HSH2D: variants seen among roughly 807,000 people sequenced by gnomAD.
HSH2D encodes hematopoietic SH2 domain containing, also known as hematopoietic SH2 domain-containing protein.
Under a neutral mutation model 21.5 loss-of-function variants are expected in HSH2D, and 16 were observed. That is an observed-to-expected ratio of 0.74 (90% CI 0.50 to 1.13). HSH2D has a LOEUF of 1.13. Among genes scored for constraint, HSH2D ranks in the 50% most tolerant of loss-of-function variants. The probability of loss-of-function intolerance (pLI) is 0.00; values close to 1 mark genes in which losing one functional copy is unlikely to be tolerated. For missense variants in HSH2D, 418 were observed against 441.4 expected (o/e 0.95, Z 0.47); for synonymous variants, 172 against 184.7 (o/e 0.93, Z 0.56).
chr19:16,151,504 A>G (rs1348645115), intron 2 of HSH2D: 1 of 455,754 alleles, frequency 2.2e-6, no homozygotes, highest in Non-Finnish European at 4.4e-6. Flanking sequence ...AGAAAGGGAG[A>G]GACGATTGCC....
chr19:16,143,654 G>A, upstream of HSH2D: 1 of 408,282 alleles, frequency 2.4e-6, no homozygotes, highest in Non-Finnish European at 5.0e-6. Flanking sequence ...TGAGGAAACA[G>A]GAACTGCCTC....
upstream of HSH2D, among the ~76,000 whole-genome samples, chr19:16,140,788 G>C (rs1272385022): frequency 6.6e-6 from 1 of 151,992 alleles, no homozygotes; most frequent in African/African-American, 2.4e-5. Context: ...TCAGGAGGCT[G>C]AGATGGGAGG....
intron 1 of HSH2D, among the ~76,000 whole-genome samples, chr19:16,144,365 G>T (rs1038259452): frequency 6.6e-6 from 1 of 151,902 alleles, no homozygotes; most frequent in Non-Finnish European, 1.5e-5. Flanking sequence ...TGTCTGGGGG[G>T]AGATGCAGGA....
At chr19:16,134,686 C>G (rs2090948603) in intron 1 of HSH2D, among the ~76,000 whole-genome samples, 1 of 152,170 alleles carries the variant, frequency 6.6e-6, no homozygotes, top group Admixed American at 6.5e-5. Flanking sequence ...GTGCCCACAG[C>G]TGACCCCTCC....
intron 2 of HSH2D, among the ~76,000 whole-genome samples, chr19:16,151,736 C>G (rs2091153677): frequency 6.8e-6 from 1 of 146,584 alleles, no homozygotes; most frequent in African/African-American, 2.6e-5. Flanking sequence ...CATCCCTAAT[C>G]CCTGAATAGC....
intron 1 of HSH2D, among the ~76,000 whole-genome samples, chr19:16,147,925 G>A (rs1049182993): frequency 2.0e-4 from 30 of 151,708 alleles, no homozygotes; most frequent in Non-Finnish European, 1.6e-4. Context: ...GATTACAGGC[G>A]TGAGCCACCA....
intron 1 of HSH2D, 48 bp from the exon 2 acceptor site, chr19:16,148,676 A>T: frequency 1.3e-6 from 2 of 1,564,574 alleles, no homozygotes; most frequent in South Asian, 2.2e-5. Flanking sequence ...AGCAAAGATA[A>T]GAGGTGCATC....
rs761184938 is a variant in HSH2D at position 16,148,817 on chromosome 19, A to G, written c.67A>G (p.Met23Val). The G allele has an allele frequency of 1.3e-6, 2 of 1,595,494 alleles. No homozygotes were observed. Among genetic ancestry groups the G allele is most frequent in the Non-Finnish European group, 1.7e-6 (2 of 1,166,652 alleles). The change falls in exon 2 of 6, where the codon ATG becomes GTG. Residue 23 changes from methionine to valine, a missense_variant. Met to Val is a conservative substitution (Grantham distance 21). Transcript: ENST00000613986. ...GCTGGACTGGTTTGTGCACACCCAGATGGGCCAGCTGGCCCAAGACGGGGT... is the reference window on the plus strand; with the variant it reads ...GCTGGACTGGTTTGTGCACACCCAGGTGGGCCAGCTGGCCCAAGACGGGGT... ...PRLDWFVHTQMGQLAQDGVPE... is the reference protein window; with the variant it reads ...PRLDWFVHTQVGQLAQDGVPE...
intron 2 of HSH2D, among the ~76,000 whole-genome samples, chr19:16,149,659 T>C (rs1275042694): frequency 2.0e-5 from 3 of 151,260 alleles, no homozygotes; most frequent in African/African-American, 4.9e-5. Flanking sequence ...CGATCTCGGC[T>C]CACTGCAGCC....
upstream of HSH2D, among the ~76,000 whole-genome samples, chr19:16,142,642 T>A (rs188748722): frequency 2.8e-4 from 42 of 152,278 alleles, no homozygotes; most frequent in African/African-American, 1.0e-3. Context: ...TTTGCAGTTT[T>A]AGTAGAGACG....
intron 2 of HSH2D, among the ~76,000 whole-genome samples, chr19:16,152,314 A>T (rs2091168820): frequency 6.6e-6 from 1 of 150,398 alleles, no homozygotes; most frequent in African/African-American, 2.5e-5. Context: ...GCTACTTGGG[A>T]GGCTGAGGCA....
At chr19:16,150,884 G>A (rs2091139580) in intron 2 of HSH2D, among the ~76,000 whole-genome samples, 1 of 152,102 alleles carries the variant, frequency 6.6e-6, no homozygotes, top group Non-Finnish European at 1.5e-5. Context: ...TCATGAAACA[G>A]CATATGTTCC....
chr19:16,152,110 A>C (rs2091164622), intron 2 of HSH2D, among the ~76,000 whole-genome samples: 1 of 20,082 alleles, frequency 5.0e-5, no homozygotes, highest in East Asian at 0.016. Flanking sequence ...TGTCTCAACA[A>C]AAAAAAAAAA....
intron 2 of HSH2D, among the ~76,000 whole-genome samples, chr19:16,151,880 C>A (rs572510413): frequency 1.4e-5 from 2 of 143,308 alleles, no homozygotes; most frequent in Admixed American, 1.4e-4. Context: ...CTGAGGCAGG[C>A]GGATCACTTG....
intron 1 of HSH2D, among the ~76,000 whole-genome samples, chr19:16,136,184 T>C (rs2145006322): frequency 6.6e-6 from 1 of 152,270 alleles, no homozygotes; most frequent in East Asian, 1.9e-4. Flanking sequence ...TGAATCCTGA[T>C]ACTAAAACTC....
rs780701129 is a variant in HSH2D, at chr19:16,157,546, G to A, written c.811G>A (p.Ala271Thr). The A allele has an allele frequency of 1.9e-6, 3 of 1,613,866 alleles. No homozygotes were observed. The highest frequency in any genetic ancestry group is 1.3e-5 in the African/African-American group (1 of 75,004). Residue 271 changes from alanine (A) to threonine (T), a missense_variant, in exon 6 of 6, where the codon GCC becomes ACC. Ala to Thr is a moderately conservative substitution (Grantham distance 58, BLOSUM62 0). Transcript: ENST00000613986. The surrounding 1 kb of genome is among the most constrained non-coding windows in gnomAD (Gnocchi z 4.4). ...GDRGYTDPCV[A>T]TSLKSPSQPQ... Reference sequence around the variant, plus strand: ...CAGAGGCTACACGGATCCCTGTGTGGCCACATCTCTCAAAAGCCCCTCACA... The same window carrying A: ...CAGAGGCTACACGGATCCCTGTGTGACCACATCTCTCAAAAGCCCCTCACA...
rs75384630 is a variant in HSH2D, at chr19:16,157,232, G to A, written c.497G>A (p.Cys166Tyr). 1,812 of 1,560,522 alleles carry A rather than the reference G, an allele frequency of 1.2e-3. 23 individuals are homozygous for A. The African/African-American group carries it at 0.022, about 19-fold the overall frequency. The change falls in exon 6 of 6, where the codon TGT (cysteine) becomes TAT (tyrosine). Residue 166 changes from cysteine (C) to tyrosine (Y), a missense_variant. By Grantham distance (194) the Cys-to-Tyr change is radical. Transcript: ENST00000613986. The surrounding 1 kb of genome is among the most constrained non-coding windows in gnomAD (Gnocchi z 4.4). Reference sequence around the variant, plus strand: ...CAGGCCTCCCCAAAGCCAGTCCTGTGTCACCAATCAAAGGAAAGGAAGCCG... The same window carrying A: ...CAGGCCTCCCCAAAGCCAGTCCTGTATCACCAATCAAAGGAAAGGAAGCCG... Reference protein sequence around the residue: ...PEEASPKPVLCHQSKERKPSA... With the variant: ...PEEASPKPVLYHQSKERKPSA...
At chr19:16,143,171 G>A (rs868579145), upstream of HSH2D, among the ~76,000 whole-genome samples, 13 of 151,948 alleles carry the variant, frequency 8.6e-5, no homozygotes, top group Middle Eastern at 6.8e-3. Context: ...TGCAACCTCC[G>A]CCTCCCGGGT....
chr19:16,139,535 T>C (rs2090985464), upstream of HSH2D, among the ~76,000 whole-genome samples: 1 of 152,170 alleles, frequency 6.6e-6, no homozygotes, highest in Non-Finnish European at 1.5e-5. Flanking sequence ...GGAGCTATGA[T>C]GGCACAGTGC....
Sources: gnomAD v4.1 joint callset for allele counts (sites outside exome capture counted in the v4.1 genomes callset) on GRCh38, gnomAD v4.1.1 for gene constraint, Gnocchi (gnomAD v3.1) non-coding constraint, MANE v1.5 for transcripts, NCBI Gene and HGNC (gene_info 2026-07-23, HGNC 2026-07-21) for gene names.